Variants in CUL2 observed in about 807,000 individuals in gnomAD.
CUL2 encodes cullin-2.
CUL2 carries 22 observed loss-of-function variants against 110.2 expected under a neutral mutation model. That is an observed-to-expected ratio of 0.20 (90% CI 0.14 to 0.28). CUL2 has a LOEUF of 0.28. Ranked by LOEUF, CUL2 falls within the 10% of genes least tolerant of loss-of-function variation. The pLI is 1.00. For synonymous variants in CUL2, 279 were observed against 293.2 expected (o/e 0.95, Z 0.49); for missense variants, 631 against 905.5 (o/e 0.70, Z 3.89).
chr10:35,091,623 CT>C (rs58275497), upstream of CUL2, among the ~76,000 whole-genome samples: 79 of 145,640 alleles, frequency 5.4e-4, no homozygotes, highest in East Asian at 8.0e-4. Context: ...ATGTCTGGTC[CT>C]TTTTTTTTTT....
intron 17 of CUL2, among the ~76,000 whole-genome samples, chr10:35,017,874 T>TAA (rs1277929117): frequency 2.7e-5 from 2 of 75,202 alleles, no homozygotes; most frequent in African/African-American, 7.4e-5. Context: ...CCATACGTGT[T>TAA]TAAAAAAAAA....
chr10:35,104,060 A>G (rs564701855), intron 1 of CUL2, among the ~76,000 whole-genome samples: 1 of 152,344 alleles, frequency 6.6e-6, no homozygotes, highest in Non-Finnish European at 1.5e-5. Flanking sequence ...AACGTTAAAC[A>G]TAGTCCATTA....
chr10:35,119,726 A>G (rs998658), intron 1 of CUL2, among the ~76,000 whole-genome samples: 56,316 of 151,600 alleles, frequency 0.37, 10,601 homozygotes, highest in African/African-American at 0.43. Context: ...ATGCTACCAC[A>G]TCTGGCTCAT....
chr10:35,091,067 T>A (rs1384068662), upstream of CUL2, among the ~76,000 whole-genome samples: 1 of 152,246 alleles, frequency 6.6e-6, no homozygotes, highest in Non-Finnish European at 1.5e-5. Context: ...TTTTCACTAA[T>A]ACCCCACCTT....
At chr10:35,084,584 GACAGAT>G (rs2087016175) in intron 1 of CUL2, among the ~76,000 whole-genome samples, 1 of 152,144 alleles carries the variant, frequency 6.6e-6, no homozygotes, top group South Asian at 2.1e-4. Flanking sequence ...ACTGCAATAT[GACAGAT>G]ACGTTACCAG....
At chr10:35,052,483 A>G (rs1206358274) in intron 5 of CUL2, among the ~76,000 whole-genome samples, 5 of 152,148 alleles carry the variant, frequency 3.3e-5, no homozygotes, top group Non-Finnish European at 7.3e-5. Context: ...TGAGCATAAG[A>G]TTTTTCTCTA....
chr10:35,036,154 T>C (rs1430776118), intron 9 of CUL2, among the ~76,000 whole-genome samples: 1 of 152,234 alleles, frequency 6.6e-6, no homozygotes, highest in Non-Finnish European at 1.5e-5. Context: ...ACCACTGCTG[T>C]GACTTCTAAA....
chr10:35,084,643 A>G (rs2087017371), intron 1 of CUL2, among the ~76,000 whole-genome samples: 1 of 152,230 alleles, frequency 6.6e-6, no homozygotes, highest in South Asian at 2.1e-4. Flanking sequence ...CTCTGAATAG[A>G]TATTGTGATT....
At chr10:35,056,293 C>A (rs562551289) in intron 4 of CUL2, among the ~76,000 whole-genome samples, 5 of 152,122 alleles carry the variant, frequency 3.3e-5, no homozygotes, top group Non-Finnish European at 5.9e-5. Flanking sequence ...GAACACAAAC[C>A]TGGAAAAGCA....
chr10:35,038,839 G>A, intron 9 of CUL2, 81 bp downstream of exon 9: 1 of 770,328 alleles, frequency 1.3e-6, no homozygotes, highest in Non-Finnish European at 2.0e-6. Context: ...ACTAAAATAG[G>A]CATTAAATCA....
chr10:35,092,973 A>C (rs1049536590), upstream of CUL2, among the ~76,000 whole-genome samples: 1 of 152,142 alleles, frequency 6.6e-6, no homozygotes, highest in Non-Finnish European at 1.5e-5. Flanking sequence ...TGCTCCTATA[A>C]ATAACATCAG....
intron 6 of CUL2, among the ~76,000 whole-genome samples, chr10:35,049,407 A>G (rs968106202): frequency 2.0e-5 from 3 of 152,154 alleles, no homozygotes; most frequent in East Asian, 1.9e-4. Context: ...CTGAAAAGCA[A>G]TAAGTCACTT....
At chr10:35,043,178 C>G (rs1356690471) in intron 8 of CUL2, among the ~76,000 whole-genome samples, 2 of 152,120 alleles carry the variant, frequency 1.3e-5, no homozygotes, top group African/African-American at 4.8e-5. Context: ...CTTTCAACTT[C>G]TAACAGACAT....
At chr10:35,040,215 A>G (rs1458530816) in intron 8 of CUL2, among the ~76,000 whole-genome samples, 1 of 152,204 alleles carries the variant, frequency 6.6e-6, no homozygotes, top group South Asian at 2.1e-4. Flanking sequence ...GTCATAGTCA[A>G]GTATGTCAAT....
intron 1 of CUL2, among the ~76,000 whole-genome samples, chr10:35,116,880 C>G (rs2087611427): frequency 6.6e-6 from 1 of 151,532 alleles, no homozygotes; most frequent in Admixed American, 6.6e-5. Context: ...TCGCTTAAAC[C>G]TGGGAGGTAG....
intron 16 of CUL2, among the ~76,000 whole-genome samples, chr10:35,026,248 T>C (rs1317231125): frequency 6.6e-6 from 1 of 152,200 alleles, no homozygotes; most frequent in Admixed American, 6.5e-5. Context: ...CTGGAATACT[T>C]CAGATTGCCT....
At chr10:35,109,915 T>G (rs1303307539) in intron 1 of CUL2, among the ~76,000 whole-genome samples, 2 of 152,186 alleles carry the variant, frequency 1.3e-5, no homozygotes, top group Non-Finnish European at 2.9e-5. Context: ...GGCTCACACC[T>G]GTAATCTCAG....
rs116493330 is a variant in CUL2, at chr10:35,034,486, G to A, written c.1002+686C>T. Reference sequence around the variant, plus strand: ...CTAAAAAGTGCTCCTGAACAGTGACGTCTATACACAGATACTATCTTATAG... The same window carrying A: ...CTAAAAAGTGCTCCTGAACAGTGACATCTATACACAGATACTATCTTATAG... On this transcript the variant is annotated intron_variant, in intron 10 of 20. Transcript: ENST00000374749. Among the ~76,000 whole-genome samples the A allele has an allele frequency of 8.6e-3, 1,314 of 152,246 alleles. 24 individuals carry two copies. Among genetic ancestry groups the A allele is most frequent in the African/African-American group, 0.029 (1,197 of 41,544 alleles).
chr10:35,085,713 A>C (rs1260878812), intron 1 of CUL2, among the ~76,000 whole-genome samples: 5 of 151,956 alleles, frequency 3.3e-5, no homozygotes, highest in African/African-American at 1.2e-4. Flanking sequence ...AAAAAAAAAA[A>C]AAAAACTGAT....
Sources: allele counts gnomAD v4.1 joint callset (sites outside exome capture counted in the v4.1 genomes callset), GRCh38; gene constraint gnomAD v4.1.1; transcripts MANE v1.5; gene names NCBI Gene and HGNC (gene_info 2026-07-23, HGNC 2026-07-21).